Variants in GSK3B observed in about 807,000 individuals in gnomAD.
GSK3B encodes glycogen synthase kinase-3 beta.
Under a neutral mutation model 56.4 loss-of-function variants are expected in GSK3B, and 15 were observed. The observed-to-expected ratio is 0.27, with a 90% CI of 0.18 to 0.41. The LOEUF is 0.41. Ranked by LOEUF, GSK3B falls within the 10% of genes least tolerant of loss-of-function variation. The pLI is 1.00. For synonymous variants in GSK3B, 181 were observed against 188.9 expected (o/e 0.96, Z 0.34); for missense variants, 300 against 513.4 (o/e 0.58, Z 4.02).
chr3:120,045,203 T>C (rs1215255510), intron 1 of GSK3B, among the ~76,000 whole-genome samples: 1 of 152,230 alleles, frequency 6.6e-6, no homozygotes, highest in East Asian at 1.9e-4. Flanking sequence ...TAAAAAGGTT[T>C]AAAGAGAAAA....
At chr3:119,893,916 C>T (rs1453177247) in intron 7 of GSK3B, among the ~76,000 whole-genome samples, 2 of 151,304 alleles carry the variant, frequency 1.3e-5, no homozygotes, top group African/African-American at 4.9e-5. Flanking sequence ...TATCATGAAA[C>T]CCACCCCTTA....
rs116200884 is a variant in GSK3B at position 120,074,513 on chromosome 3, G to A, written c.88+18834C>T. On this transcript the variant is annotated intron_variant, in intron 1 of 10. Coordinates refer to ENST00000264235, the MANE Select transcript of GSK3B (RefSeq NM_001146156.2). Reference sequence around the variant, plus strand: ...ATTACAGGTGCGCACCACCACACCCGGCTAATTTTGGTCAGGCTGGTCTCG... The same window carrying A: ...ATTACAGGTGCGCACCACCACACCCAGCTAATTTTGGTCAGGCTGGTCTCG... 4.3e-3 allele frequency among the ~76,000 whole-genome samples: 651 copies of A among 151,690 alleles called. 1 individual carries two copies. Among genetic ancestry groups the A allele is most frequent in the African/African-American group, 0.015 (612 of 41,340 alleles).
intron 2 of GSK3B, among the ~76,000 whole-genome samples, chr3:119,968,686 T>C (rs934939549): frequency 4.6e-5 from 7 of 152,100 alleles, no homozygotes; most frequent in African/African-American, 7.2e-5. Context: ...CAAAGCAAAA[T>C]TGTGTAAGAT....
intron 7 of GSK3B, among the ~76,000 whole-genome samples, chr3:119,888,825 A>G (rs1016623742): frequency 6.6e-6 from 1 of 152,070 alleles, no homozygotes; most frequent in Non-Finnish European, 1.5e-5. Flanking sequence ...GGAGGTCTAT[A>G]AACGGCTGCT....
chr3:120,087,196 T>C (rs889562986), intron 1 of GSK3B, among the ~76,000 whole-genome samples: 1 of 152,172 alleles, frequency 6.6e-6, no homozygotes, highest in Non-Finnish European at 1.5e-5. Context: ...CAATTCCACA[T>C]TGATGCATAG....
chr3:119,973,154 C>CATT (rs1474446663), intron 2 of GSK3B, among the ~76,000 whole-genome samples: 1 of 152,170 alleles, frequency 6.6e-6, no homozygotes, highest in East Asian at 1.9e-4. Context: ...AAGTAGTAAG[C>CATT]ATTATTACTA....
intron 1 of GSK3B, among the ~76,000 whole-genome samples, chr3:120,074,034 G>A (rs1210926968): frequency 2.6e-5 from 4 of 152,156 alleles, no homozygotes; most frequent in Admixed American, 1.3e-4. Flanking sequence ...GCCAGGTGCC[G>A]CTGCTCACGA....
At chr3:119,987,605 A>G (rs2057528288) in intron 2 of GSK3B, among the ~76,000 whole-genome samples, 1 of 152,202 alleles carries the variant, frequency 6.6e-6, no homozygotes, top group South Asian at 2.1e-4. Context: ...ACAAAAGCAC[A>G]ATGGGTTTTT....
chr3:119,974,838 G>A (rs995956930), intron 2 of GSK3B, among the ~76,000 whole-genome samples: 2 of 152,212 alleles, frequency 1.3e-5, no homozygotes, highest in Admixed American at 1.3e-4. Context: ...AAAGGACGGT[G>A]AGGATGTGGA....
rs150443898 is a variant in GSK3B, at chr3:119,824,480, C to G, written c.*2308G>C. Reference sequence around the variant, plus strand: ...TTTATGGACTCTGGGGAGTATACCACGTCCAGAGCAGTGTCTGCATCCAAA... The same window carrying G: ...TTTATGGACTCTGGGGAGTATACCAGGTCCAGAGCAGTGTCTGCATCCAAA... On this transcript the variant is annotated 3_prime_UTR_variant, in exon 11 of 11. Transcript: ENST00000264235. The G allele has an allele frequency of 4.6e-6, 1 of 215,648 alleles. No individual in the cohort carries two copies. Among genetic ancestry groups the G allele is most frequent in the East Asian group, 6.8e-5 (1 of 14,716 alleles). The allele number at this position is 215,648 out of a possible 1,614,324, so 13.4% of individuals were successfully genotyped here.
intron 10 of GSK3B, among the ~76,000 whole-genome samples, chr3:119,842,288 C>A (rs1349686703): frequency 6.6e-6 from 1 of 152,160 alleles, no homozygotes. Flanking sequence ...TCAGGCCCTG[C>A]AGCACACCCT....
chr3:120,085,374 G>A (rs2058455243), intron 1 of GSK3B, among the ~76,000 whole-genome samples: 1 of 152,108 alleles, frequency 6.6e-6, no homozygotes, highest in African/African-American at 2.4e-5. Context: ...TAGGGCAAAT[G>A]TCCCTGCAAA....
At position 119,825,476 on chromosome 3, in the gene GSK3B, CAA is replaced by C; in HGVS notation, c.*1310_*1311del. 1 of 222,368 alleles carries C rather than the reference CAA, an allele frequency of 4.5e-6. No individual in the cohort carries two copies. Among genetic ancestry groups the C allele is most frequent in the Non-Finnish European group, 8.9e-6 (1 of 112,712 alleles). The allele number at this position is 222,368 out of a possible 1,614,324, so 13.8% of individuals were successfully genotyped here. A position where few individuals can be genotyped will look rare whatever the true frequency, so the allele number is the denominator to read the frequency against. On this transcript the variant is annotated 3_prime_UTR_variant, in exon 11 of 11. Transcript: ENST00000264235. ...AACCAGTCAATTTTGATACTGTAGACAAAAAAAAAGGCAGTATTGAATATATG... is the reference window on the plus strand; with the variant it reads ...AACCAGTCAATTTTGATACTGTAGACAAAAAAAGGCAGTATTGAATATATG...
chr3:119,969,337 C>T (rs1312176055), intron 2 of GSK3B, among the ~76,000 whole-genome samples: 1 of 150,974 alleles, frequency 6.6e-6, no homozygotes, highest in Non-Finnish European at 1.5e-5. Context: ...AAACTGTTAC[C>T]AAAAAAGTCA....
intron 2 of GSK3B, among the ~76,000 whole-genome samples, chr3:119,980,540 G>C: frequency 6.6e-6 from 1 of 152,134 alleles, no homozygotes. Context: ...TTTTAGTAGA[G>C]ATGGGGTTTC....
At chr3:120,011,921 T>G (rs116794117) in intron 1 of GSK3B, among the ~76,000 whole-genome samples, 2,435 of 152,322 alleles carry the variant, frequency 0.016, 63 homozygotes, top group African/African-American at 0.055. Context: ...TCGTGCTGCC[T>G]CTGCTGTATT....
intron 1 of GSK3B, among the ~76,000 whole-genome samples, chr3:120,058,301 C>A (rs1342641859): frequency 6.6e-6 from 1 of 151,860 alleles, no homozygotes; most frequent in Non-Finnish European, 1.5e-5. Flanking sequence ...TAAATCATAC[C>A]ATTTCAGTAA....
intron 1 of GSK3B, among the ~76,000 whole-genome samples, chr3:120,016,541 T>C (rs1187322887): frequency 1.3e-5 from 2 of 152,186 alleles, no homozygotes; most frequent in African/African-American, 4.8e-5. Context: ...ATGTCATAAA[T>C]ATAAGAGATG....
At chr3:120,069,229 T>C (rs2058306607) in intron 1 of GSK3B, among the ~76,000 whole-genome samples, 1 of 152,162 alleles carries the variant, frequency 6.6e-6, no homozygotes, top group African/African-American at 2.4e-5. Flanking sequence ...GTAAATATTA[T>C]CTGATATTCT....
Sources: gnomAD v4.1 joint callset for allele counts (sites outside exome capture counted in the v4.1 genomes callset) on GRCh38, gnomAD v4.1.1 for gene constraint, MANE v1.5 for transcripts, NCBI Gene and HGNC (gene_info 2026-07-23, HGNC 2026-07-21) for gene names.